LRRK2: variants seen among roughly 807,000 people sequenced by gnomAD.
LRRK2 encodes leucine rich repeat kinase 2.
Under a neutral mutation model 302.6 loss-of-function variants are expected in LRRK2, and 203 were observed. That is an observed-to-expected ratio of 0.67 (90% CI 0.60 to 0.75). LRRK2 has a LOEUF of 0.75. Among genes scored for constraint, LRRK2 ranks in the 30% least tolerant of loss-of-function variants. The probability of loss-of-function intolerance (pLI) is 0.00; values close to 1 mark genes in which losing one functional copy is unlikely to be tolerated. For synonymous variants in LRRK2, 1,066 were observed against 1,031.9 expected (o/e 1.03, Z -0.63); for missense variants, 2,830 against 2,951.0 (o/e 0.96, Z 0.95).
chr12:40,357,029 C>T (rs574332295), intron 46 of LRRK2, among the ~76,000 whole-genome samples: 193 of 152,176 alleles, frequency 1.3e-3, no homozygotes, highest in Middle Eastern at 3.4e-3. Flanking sequence ...ACTTATTCCT[C>T]CTATCTAACT....
At chr12:40,270,454 C>G (rs894619516) in intron 14 of LRRK2, among the ~76,000 whole-genome samples, 1 of 151,934 alleles carries the variant, frequency 6.6e-6, no homozygotes, top group Non-Finnish European at 1.5e-5. Context: ...GTTTAATTCC[C>G]TGAATATTTA....
intron 42 of LRRK2, among the ~76,000 whole-genome samples, chr12:40,347,130 A>G (rs919313943): frequency 1.4e-4 from 21 of 152,202 alleles, no homozygotes; most frequent in African/African-American, 5.1e-4. Flanking sequence ...TCCGCAATTA[A>G]TATTGGTGTA....
chr12:40,349,560 CTGG>C (rs1946293606), intron 43 of LRRK2, among the ~76,000 whole-genome samples: 3 of 10,050 alleles, frequency 3.0e-4, no homozygotes, highest in African/African-American at 4.9e-4. Flanking sequence ...GTCACCCAGG[CTGG>C]AGTGCTGGAG....
At chr12:40,275,123 T>C in intron 16 of LRRK2, 130 bp downstream of exon 16, 1 of 1,029,016 alleles carries the variant, frequency 9.7e-7, no homozygotes, top group Non-Finnish European at 1.5e-6. Flanking sequence ...TTTTGTAGTA[T>C]TTTAATTATA....
chr12:40,323,075 C>G, intron 37 of LRRK2, 85 bp from the exon 38 acceptor site: 1 of 1,090,826 alleles, frequency 9.2e-7, no homozygotes, highest in Non-Finnish European at 1.4e-6. Context: ...AGAAAATATT[C>G]CATTATTTTT....
chr12:40,309,396 G>A (rs1944959548), intron 30 of LRRK2, among the ~76,000 whole-genome samples, 163 bp downstream of exon 30: 2 of 152,080 alleles, frequency 1.3e-5, no homozygotes, highest in Non-Finnish European at 2.9e-5. Context: ...AACTTTCCGA[G>A]TAATGAAGTC....
intron 16 of LRRK2, among the ~76,000 whole-genome samples, chr12:40,275,485 T>C (rs1446934995): frequency 2.6e-5 from 4 of 151,066 alleles, no homozygotes; most frequent in African/African-American, 9.7e-5. Context: ...TGGCCTAGAG[T>C]TAGTTCACGG....
intron 14 of LRRK2, among the ~76,000 whole-genome samples, chr12:40,273,088 T>C (rs929902510): frequency 6.6e-6 from 1 of 152,206 alleles, no homozygotes; most frequent in Admixed American, 6.6e-5. Flanking sequence ...TTATTAGAAT[T>C]GTTTTAGAGA....
rs369516239 is a variant in LRRK2 at position 40,295,561 on chromosome 12, T to C, written c.3013T>C (p.Cys1005Arg). Reference protein sequence around the residue: ...RDIDALSQKCCISVHLEHLEK... With the variant: ...RDIDALSQKCRISVHLEHLEK... ...TATTGATGCCCTAAGCCAGAAATGC[T>C]GTATAAGTGTTCATTTGGAGCATCT... is the stretch of plus-strand genomic sequence containing the variant. The change falls in exon 23 of 51, where the codon TGT becomes CGT. Residue 1005 changes from cysteine to arginine, a missense_variant. Cys to Arg is a radical substitution (Grantham distance 180). Around this residue, in one of 3 missense-constraint regions of LRRK2, gnomAD observed 2,121 missense variants for 2,148.0 expected, o/e 0.99. Coordinates refer to ENST00000298910, the MANE Select transcript of LRRK2 (RefSeq NM_198578.4). 1.2e-5 allele frequency: 19 copies of C among 1,613,986 alleles called. No homozygotes were observed. The highest frequency in any genetic ancestry group is 1.4e-5 in the Non-Finnish European group (17 of 1,180,022).
chr12:40,337,602 C>A (rs1208566585), intron 40 of LRRK2, among the ~76,000 whole-genome samples: 4 of 152,150 alleles, frequency 2.6e-5, no homozygotes, highest in Non-Finnish European at 2.9e-5. Context: ...TTTACATTAT[C>A]TTTTTAGTCA....
intron 16 of LRRK2, among the ~76,000 whole-genome samples, chr12:40,276,410 C>T (rs1405706374): frequency 6.6e-6 from 1 of 152,136 alleles, no homozygotes; most frequent in African/African-American, 2.4e-5. Flanking sequence ...ATTCTCCTGC[C>T]TCAGCCTCCC....
intron 20 of LRRK2, among the ~76,000 whole-genome samples, chr12:40,290,280 T>C (rs1228986782): frequency 2.6e-5 from 4 of 152,066 alleles, no homozygotes; most frequent in Admixed American, 2.6e-4. Flanking sequence ...CACTTGGTTA[T>C]GGTACATTAT....
chr12:40,275,042 T>A, intron 16 of LRRK2, 49 bp downstream of exon 16: 4 of 1,607,980 alleles, frequency 2.5e-6, no homozygotes, highest in Non-Finnish European at 3.4e-6. Flanking sequence ...CGAATTTCAC[T>A]TTTGGAGCAG....
At position 40,244,643 on chromosome 12, in the gene LRRK2, G is replaced by T. The variant is rs1268483431; in HGVS notation, c.838+962G>T. Among the ~76,000 whole-genome samples, 3 of 147,886 alleles carry T rather than the reference G, an allele frequency of 2.0e-5. No homozygotes were observed. In the East Asian group the frequency reaches 6.0e-4, roughly 30 times the overall value. ...CAGGATAGTCTGTCTTTTTAAAACC[G>T]ATTCATAGATTCTGGATAATAATGT... On this transcript the variant is annotated intron_variant, in intron 7 of 50. Transcript: ENST00000298910.
At chr12:40,297,787 G>T (rs1182509931) in intron 23 of LRRK2, among the ~76,000 whole-genome samples, 1 of 151,670 alleles carries the variant, frequency 6.6e-6, no homozygotes, top group Non-Finnish European at 1.5e-5. Context: ...AAAACAGGAG[G>T]TTCTAAAATG....
chr12:40,258,648 T>C (rs1259920804), intron 12 of LRRK2, among the ~76,000 whole-genome samples: 1 of 152,148 alleles, frequency 6.6e-6, no homozygotes, highest in East Asian at 1.9e-4. Flanking sequence ...GTAAACAGAT[T>C]ATTATAATAC....
chr12:40,300,746 G>A (rs987926516), intron 25 of LRRK2: 1 of 470,002 alleles, frequency 2.1e-6, no homozygotes, highest in African/African-American at 2.0e-5. Flanking sequence ...TCAGAGCACA[G>A]ACAAACATTA....
intron 40 of LRRK2, among the ~76,000 whole-genome samples, chr12:40,337,107 A>G (rs1945895095): frequency 6.8e-6 from 1 of 146,932 alleles, no homozygotes; most frequent in South Asian, 2.3e-4. Flanking sequence ...TTGTATCACA[A>G]AAGGCTAGTA....
intron 2 of LRRK2, among the ~76,000 whole-genome samples, chr12:40,227,115 A>C (rs183766741): frequency 7.2e-5 from 11 of 152,314 alleles, no homozygotes; most frequent in African/African-American, 2.2e-4. Context: ...ATTTCTGCCT[A>C]GAGAGTACCA....
Sources: gnomAD v4.1 joint callset for allele counts (sites outside exome capture counted in the v4.1 genomes callset) on GRCh38, gnomAD v4.1.1 for gene constraint, gnomAD v4.1.1 regional missense constraint, MANE v1.5 for transcripts, NCBI Gene and HGNC (gene_info 2026-07-23, HGNC 2026-07-21) for gene names.